GATAD2B: variants seen among roughly 807,000 people sequenced by gnomAD.
GATAD2B encodes transcriptional repressor p66-beta.
GATAD2B carries 8 observed loss-of-function variants against 64.3 expected under a neutral mutation model. The observed-to-expected ratio is 0.12, with a 90% CI of 0.07 to 0.22. The LOEUF is 0.22. Ranked by LOEUF, GATAD2B falls within the 10% of genes least tolerant of loss-of-function variation. GATAD2B has a pLI of 1.00. For missense variants in GATAD2B, 453 were observed against 752.0 expected (o/e 0.60, Z 4.65); for synonymous variants, 281 against 271.3 (o/e 1.04, Z -0.35).
chr1:153,922,920 A>AGCGGCGGCGGCGACGGCTGCACCG lies in GATAD2B; in HGVS notation c.-213_-190dup. On this transcript the variant is annotated 5_prime_UTR_variant, in exon 1 of 11. Transcript: ENST00000368655. ...CAGACACTGCGGTACAGACGGGGGC[A>AGCGGCGGCGGCGACGGCTGCACCG]GCGGCGGCGGCGACGGCTGCACCGG... 1 of 156,024 alleles carries AGCGGCGGCGGCGACGGCTGCACCG rather than the reference A, an allele frequency of 6.4e-6. No homozygotes were observed. The highest frequency in any genetic ancestry group is 1.4e-5 in the Non-Finnish European group (1 of 70,586). The allele number at this position is 156,024 out of a possible 1,614,324, so 9.7% of individuals were successfully genotyped here. A position where few individuals can be genotyped will look rare whatever the true frequency, so the allele number is the denominator to read the frequency against.
At chr1:153,857,479 T>C (rs532707059) in intron 1 of GATAD2B, among the ~76,000 whole-genome samples, 1 of 152,252 alleles carries the variant, frequency 6.6e-6, no homozygotes, top group South Asian at 2.1e-4. Context: ...GCCTTTGATA[T>C]AGTGTCCCTT....
chr1:153,829,859 G>T (rs1187722410), intron 1 of GATAD2B, among the ~76,000 whole-genome samples: 1 of 151,942 alleles, frequency 6.6e-6, no homozygotes, highest in African/African-American at 2.4e-5. Flanking sequence ...CAGCACTTTG[G>T]GAGGCTGAGG....
chr1:153,828,849 G>GT (rs1674979594), intron 1 of GATAD2B, among the ~76,000 whole-genome samples: 1 of 152,080 alleles, frequency 6.6e-6, no homozygotes, highest in South Asian at 2.1e-4. Flanking sequence ...AAGAAAAAGT[G>GT]TTAACGACAA....
chr1:153,905,553 GA>G lies in GATAD2B; in HGVS notation c.-2+17179del, dbSNP rs769120730. Among the ~76,000 whole-genome samples, 294 of 64,672 alleles carry G rather than the reference GA, an allele frequency of 4.5e-3. 1 individual carries two copies. The highest frequency in any genetic ancestry group is 0.014 in the Middle Eastern group (1 of 72). The allele number at this position is 64,672 out of a possible 152,430, so 42.4% of individuals were successfully genotyped here. A position where few individuals can be genotyped will look rare whatever the true frequency, so the allele number is the denominator to read the frequency against. The stretch of plus-strand genomic sequence containing the variant: ...AGCCCAAACAGCCAAAACAATTTTG[GA>G]AAAAAAAAAAAAAAAAAAAAAGAAC... On this transcript the variant is annotated intron_variant, in intron 1 of 10. Coordinates refer to ENST00000368655, the MANE Select transcript of GATAD2B (RefSeq NM_020699.4).
At chr1:153,868,680 T>C (rs1474520279) in intron 1 of GATAD2B, among the ~76,000 whole-genome samples, 1 of 151,952 alleles carries the variant, frequency 6.6e-6, no homozygotes, top group East Asian at 1.9e-4. Flanking sequence ...GTTTATTAAC[T>C]ACTCTACAGA....
intron 1 of GATAD2B, among the ~76,000 whole-genome samples, chr1:153,857,257 C>T (rs1287838658): frequency 6.6e-6 from 1 of 151,792 alleles, no homozygotes; most frequent in Non-Finnish European, 1.5e-5. Flanking sequence ...ACCAGCCTGG[C>T]CAACATAGTG....
At chr1:153,828,984 G>A (rs1209328368) in intron 1 of GATAD2B, among the ~76,000 whole-genome samples, 1 of 151,868 alleles carries the variant, frequency 6.6e-6, no homozygotes, top group South Asian at 2.1e-4. Context: ...GTGGGAGGAT[G>A]GCTTGAGCCC....
intron 1 of GATAD2B, among the ~76,000 whole-genome samples, chr1:153,858,553 C>A (rs970679919): frequency 6.6e-6 from 1 of 151,982 alleles, no homozygotes; most frequent in Non-Finnish European, 1.5e-5. Context: ...TGCAGTGAGC[C>A]GAGATCATGC....
chr1:153,850,194 G>GTA (rs1675839240), intron 1 of GATAD2B, among the ~76,000 whole-genome samples: 1 of 152,042 alleles, frequency 6.6e-6, no homozygotes, highest in African/African-American at 2.4e-5. Flanking sequence ...TACCCCAAGG[G>GTA]TATTATACAG....
intron 1 of GATAD2B, among the ~76,000 whole-genome samples, chr1:153,873,969 T>C (rs909934135): frequency 1.4e-5 from 2 of 145,222 alleles, no homozygotes; most frequent in African/African-American, 2.6e-5. Flanking sequence ...GAAAGAAAGG[T>C]AGGGAGGGGA....
At chr1:153,820,665 T>C (rs1208464751) in intron 2 of GATAD2B, among the ~76,000 whole-genome samples, 1 of 152,160 alleles carries the variant, frequency 6.6e-6, no homozygotes, top group Non-Finnish European at 1.5e-5. Context: ...GGTCTCACTC[T>C]GTCACCCAGG....
Position 153,851,610 on chromosome 1 carries a change from A to AT in GATAD2B, c.-1-23263dup, listed in dbSNP as rs376750238. ...GAATGTCTATTCAGGTCCTTTGTCC[A>AT]TTTTTTTTTTAATCTTACAGTGAAT... On this transcript the variant is annotated intron_variant, in intron 1 of 10. Coordinates refer to ENST00000368655, the MANE Select transcript of GATAD2B (RefSeq NM_020699.4). Among the ~76,000 whole-genome samples the AT allele has an allele frequency of 6.2e-4, 91 of 146,830 alleles. No individual in the cohort carries two copies. The South Asian group carries it at 0.013, about 21-fold the overall frequency.
intron 1 of GATAD2B, among the ~76,000 whole-genome samples, chr1:153,881,913 C>A (rs1254399584): frequency 2.0e-5 from 3 of 151,944 alleles, no homozygotes; most frequent in Non-Finnish European, 2.9e-5. Flanking sequence ...GCGTGCCAGC[C>A]CCCTTGAGAG....
chr1:153,817,266 C>T (rs950418839), intron 6 of GATAD2B, 106 bp downstream of exon 6: 7 of 1,087,906 alleles, frequency 6.4e-6, no homozygotes, highest in African/African-American at 1.6e-5. Context: ...CATTTTTGTC[C>T]TAGAGTTTAT....
intron 1 of GATAD2B, among the ~76,000 whole-genome samples, chr1:153,861,796 AT>A (rs1313277375): frequency 1.8e-4 from 6 of 33,264 alleles, no homozygotes; most frequent in African/African-American, 6.3e-4. Flanking sequence ...AAAAAAAAAA[AT>A]ATATATATAT....
intron 1 of GATAD2B, among the ~76,000 whole-genome samples, chr1:153,882,327 A>T (rs958581439): frequency 7.9e-5 from 12 of 152,156 alleles, no homozygotes; most frequent in African/African-American, 2.9e-4. Context: ...CAAAATGAAG[A>T]CATACTGCCC....
intron 1 of GATAD2B, among the ~76,000 whole-genome samples, chr1:153,845,944 G>GCCC (rs55818123): frequency 8.5e-5 from 10 of 117,050 alleles, no homozygotes; most frequent in African/African-American, 3.2e-4. Context: ...ATAAACTACC[G>GCCC]CCCCCCCCCC....
At chr1:153,826,995 C>T (rs546805681) in intron 2 of GATAD2B, among the ~76,000 whole-genome samples, 9 of 150,232 alleles carry the variant, frequency 6.0e-5, no homozygotes, top group Non-Finnish European at 8.9e-5. Context: ...GTCCATAATC[C>T]GGCACTTTAG....
intron 1 of GATAD2B, among the ~76,000 whole-genome samples, chr1:153,863,026 C>T (rs1173179097): frequency 6.6e-6 from 1 of 152,028 alleles, no homozygotes; most frequent in Admixed American, 6.6e-5. Context: ...GCCTGGCATA[C>T]TTTTTTTAAG....
Sources: gnomAD v4.1 joint callset for allele counts (sites outside exome capture counted in the v4.1 genomes callset) on GRCh38, gnomAD v4.1.1 for gene constraint, MANE v1.5 for transcripts, NCBI Gene and HGNC (gene_info 2026-07-23, HGNC 2026-07-21) for gene names.